The following PRKCE variants were observed in gnomAD, a reference collection of about 807,000 sequenced individuals.
PRKCE encodes the protein protein kinase C epsilon, also known as protein kinase C epsilon type.
A neutral mutation model predicts 85.4 loss-of-function variants in PRKCE; 16 were observed. The ratio of observed to expected loss-of-function variants is 0.19; its 90% CI spans 0.13 to 0.28. PRKCE has a LOEUF of 0.28. Ranked by LOEUF, PRKCE falls within the 10% of genes least tolerant of loss-of-function variation. PRKCE has a pLI of 1.00. For synonymous variants in PRKCE, 388 were observed against 371.5 expected, an observed-to-expected ratio of 1.04 and a Z score of -0.51; for missense variants, 573 against 975.2, an observed-to-expected ratio of 0.59 and a Z score of 5.49.
intron 11 of PRKCE, among the ~76,000 whole-genome samples, chr2:46,132,573 C>T (rs1558488032): frequency 6.6e-6 from 1 of 152,126 alleles, no homozygotes; most frequent in African/African-American, 2.4e-5. Context: ...AAGAGGAGGA[C>T]TCTTCTTAAC....
chr2:45,722,785 A>T (rs1470213732), intron 1 of PRKCE, among the ~76,000 whole-genome samples: 3 of 152,194 alleles, frequency 2.0e-5, no homozygotes, highest in Non-Finnish European at 4.4e-5. Flanking sequence ...AAACCTAGGA[A>T]TGCATTGTAG....
intron 14 of PRKCE, among the ~76,000 whole-genome samples, chr2:46,172,218 G>T (rs1678978613): frequency 6.6e-6 from 1 of 152,140 alleles, no homozygotes; most frequent in South Asian, 2.1e-4. Context: ...AGTGTCAGAA[G>T]CGCCAGGCCC....
At chr2:45,847,197 G>T (rs1691864954) in intron 2 of PRKCE, among the ~76,000 whole-genome samples, 1 of 152,180 alleles carries the variant, frequency 6.6e-6, no homozygotes, top group Non-Finnish European at 1.5e-5. Flanking sequence ...ACATTCTCTA[G>T]CATCCCTGAG....
chr2:45,975,327 CA>C (rs1384035641), intron 2 of PRKCE, among the ~76,000 whole-genome samples: 1 of 152,162 alleles, frequency 6.6e-6, no homozygotes, highest in Non-Finnish European at 1.5e-5. Flanking sequence ...ACTGCAATAA[CA>C]AAATACCAAA....
rs562033214 is a variant in PRKCE at position 45,821,564 on chromosome 2, G to A, written c.349-21436G>A. Reference sequence around the variant, plus strand: ...AGACTGCTGGAGGAAGGATTGAGGAGTCAGGATGTGCCCTAGGAAAGAAGG... The same window carrying A: ...AGACTGCTGGAGGAAGGATTGAGGAATCAGGATGTGCCCTAGGAAAGAAGG... On this transcript the variant is annotated intron_variant, in intron 1 of 14. Transcript: ENST00000306156. Among the ~76,000 whole-genome samples, 3 of 152,268 alleles carry A rather than the reference G, an allele frequency of 2.0e-5. No individual in the cohort carries two copies. In the South Asian group the frequency reaches 6.2e-4, roughly 32 times the overall value.
chr2:46,086,150 G>A (rs1461149815), intron 10 of PRKCE, 58 bp from the exon 11 acceptor site: 6 of 1,552,488 alleles, frequency 3.9e-6, no homozygotes, highest in East Asian at 2.2e-5. Flanking sequence ...CACTAAGCTG[G>A]CCTGTGTGGG....
chr2:45,942,507 C>T (rs906520349), intron 2 of PRKCE, among the ~76,000 whole-genome samples: 12 of 152,302 alleles, frequency 7.9e-5, no homozygotes, highest in Admixed American at 1.3e-4. Flanking sequence ...ATATGAGGAA[C>T]GTGCAGCCGT....
chr2:45,894,093 A>G (rs1695949055), intron 2 of PRKCE, among the ~76,000 whole-genome samples: 1 of 152,176 alleles, frequency 6.6e-6, no homozygotes, highest in Non-Finnish European at 1.5e-5. Flanking sequence ...CCTGCAGCCC[A>G]TACACATTGT....
intron 11 of PRKCE, among the ~76,000 whole-genome samples, chr2:46,101,179 T>TA (rs1378619276): frequency 6.6e-6 from 1 of 152,154 alleles, no homozygotes; most frequent in African/African-American, 2.4e-5. Flanking sequence ...ATTTCTTTTT[T>TA]AAAAAACTGA....
In PRKCE at chr2:46,122,709, T is replaced by A. The variant is rs183431441; in HGVS notation, c.1593-22384T>A. Among the ~76,000 whole-genome samples the A allele has an allele frequency of 3.2e-3, 493 of 152,232 alleles. 1 individual carries two copies. The highest frequency in any genetic ancestry group is 5.5e-3 in the Non-Finnish European group (374 of 68,014). ...TGGGCCTGACAGTAAGTGTTTTCTG[T>A]ACATTCTTTCATTTAACCACTGGGA... On this transcript the variant is annotated intron_variant, in intron 11 of 14. Coordinates refer to ENST00000306156, the MANE Select transcript of PRKCE (RefSeq NM_005400.3).
At chr2:45,672,738 A>G (rs1269053426) in intron 1 of PRKCE, among the ~76,000 whole-genome samples, 6 of 152,182 alleles carry the variant, frequency 3.9e-5, no homozygotes, top group South Asian at 2.1e-4. Context: ...AAAAACTGCC[A>G]TAAGGGACTG....
At chr2:45,959,375 C>G (rs1701228874) in intron 2 of PRKCE, among the ~76,000 whole-genome samples, 1 of 152,138 alleles carries the variant, frequency 6.6e-6, no homozygotes, top group African/African-American at 2.4e-5. Flanking sequence ...AGTTCTCCTG[C>G]CTTAAACACA....
chr2:45,871,433 G>A (rs1263610708), intron 2 of PRKCE, among the ~76,000 whole-genome samples: 1 of 152,206 alleles, frequency 6.6e-6, no homozygotes, highest in Non-Finnish European at 1.5e-5. Context: ...CTGGGGTCAG[G>A]GGTGAAGGGG....
At chr2:45,922,240 G>A (rs1190175986) in intron 2 of PRKCE, among the ~76,000 whole-genome samples, 1 of 152,142 alleles carries the variant, frequency 6.6e-6, no homozygotes, top group East Asian at 1.9e-4. Context: ...CCTGAGCTTT[G>A]TAAAATTCCA....
chr2:45,846,222 G>C (rs1322807058), intron 2 of PRKCE, among the ~76,000 whole-genome samples: 1 of 152,158 alleles, frequency 6.6e-6, no homozygotes, highest in African/African-American at 2.4e-5. Context: ...GCAAATGATG[G>C]TTTCCTGCTG....
At chr2:45,778,745 T>G (rs934696966) in intron 1 of PRKCE, among the ~76,000 whole-genome samples, 3 of 152,174 alleles carry the variant, frequency 2.0e-5, no homozygotes, top group African/African-American at 4.8e-5. Context: ...CTGATGGCCC[T>G]CCCCTCTATT....
At chr2:45,737,420 A>C (rs767626607) in intron 1 of PRKCE, among the ~76,000 whole-genome samples, 1 of 152,180 alleles carries the variant, frequency 6.6e-6, no homozygotes, top group Non-Finnish European at 1.5e-5. Flanking sequence ...GAGCACTCAG[A>C]CATCCACTAC....
intron 11 of PRKCE, among the ~76,000 whole-genome samples, chr2:46,090,487 G>T (rs1358644097): frequency 6.6e-6 from 1 of 152,122 alleles, no homozygotes; most frequent in East Asian, 1.9e-4. Context: ...TTACCTAGTT[G>T]ATCTAAGACA....
intron 1 of PRKCE, among the ~76,000 whole-genome samples, chr2:45,795,850 C>T (rs551536945): frequency 1.3e-5 from 2 of 152,238 alleles, no homozygotes; most frequent in South Asian, 2.1e-4. Context: ...TGAGACCCCC[C>T]GCAGAGTTGT....
Sources: allele counts gnomAD v4.1 joint callset (sites outside exome capture counted in the v4.1 genomes callset), GRCh38; gene constraint gnomAD v4.1.1; transcripts MANE v1.5; gene names NCBI Gene and HGNC (gene_info 2026-07-23, HGNC 2026-07-21).